Variants in SMYD3 observed in about 807,000 individuals in gnomAD.
SMYD3 encodes histone-lysine N-methyltransferase SMYD3.
In SMYD3, 36 loss-of-function variants were observed where a neutral mutation model predicts 57.7. That is an observed-to-expected ratio of 0.62 (90% confidence interval 0.48 to 0.82). SMYD3 has a LOEUF of 0.82. SMYD3 is among the 40% of genes least tolerant of loss of function. The probability of loss-of-function intolerance (pLI) is 0.00; values close to 1 mark genes in which losing one functional copy is unlikely to be tolerated. For synonymous variants in SMYD3, 211 were observed against 195.0 expected, an observed-to-expected ratio of 1.08 and a Z score of -0.68; for missense variants, 515 against 538.8, an observed-to-expected ratio of 0.96 and a Z score of 0.44.
chr1:246,256,304 G>C (rs935021378), intron 5 of SMYD3, among the ~76,000 whole-genome samples: 2 of 110,302 alleles, frequency 1.8e-5, no homozygotes, highest in African/African-American at 2.7e-5. Flanking sequence ...GCCTTCCCCA[G>C]CCCACTGACT....
chr1:245,877,632 A>T (rs1371922663), intron 8 of SMYD3, among the ~76,000 whole-genome samples: 1 of 152,210 alleles, frequency 6.6e-6, no homozygotes, highest in Non-Finnish European at 1.5e-5. Flanking sequence ...ACAAGATGAT[A>T]ACCTGGGAGT....
intron 1 of SMYD3, among the ~76,000 whole-genome samples, chr1:246,376,558 T>C (rs1156356208): frequency 7.6e-6 from 1 of 130,792 alleles, no homozygotes; most frequent in African/African-American, 3.0e-5. Flanking sequence ...GCCACTGCAC[T>C]CCAGCCTGGG....
At chr1:246,216,004 T>A (rs963675070) in intron 5 of SMYD3, among the ~76,000 whole-genome samples, 1 of 151,932 alleles carries the variant, frequency 6.6e-6, no homozygotes, top group Non-Finnish European at 1.5e-5. Context: ...AAAAACAAAC[T>A]CAAGGCCGGG....
intron 5 of SMYD3, among the ~76,000 whole-genome samples, chr1:246,043,469 A>C (rs1218258400): frequency 6.6e-6 from 1 of 152,174 alleles, no homozygotes; most frequent in Admixed American, 6.5e-5. Context: ...CAACCAAAAC[A>C]AGGTGACTAT....
rs2062946938 is a variant in SMYD3 at position 246,203,174 on chromosome 1, C to T, written c.531+124027G>A. 6.6e-6 allele frequency among the ~76,000 whole-genome samples: 1 copy of T among 152,134 alleles called. No homozygotes were observed. Among genetic ancestry groups the T allele is most frequent in the African/African-American group, 2.4e-5 (1 of 41,430 alleles). ...AGGCTGGAGACTTAAGAACTTTCTCCAGTTTCCTTCCCTGGTCCACAGCAA... is the reference window on the plus strand; with the variant it reads ...AGGCTGGAGACTTAAGAACTTTCTCTAGTTTCCTTCCCTGGTCCACAGCAA... On this transcript the variant is annotated intron_variant, in intron 5 of 11. Transcript: ENST00000490107. The surrounding 1 kb of genome is among the most constrained non-coding windows in gnomAD (Gnocchi z 4.6).
chr1:246,284,632 G>A (rs940534485), intron 5 of SMYD3, among the ~76,000 whole-genome samples: 4 of 151,906 alleles, frequency 2.6e-5, no homozygotes, highest in African/African-American at 9.7e-5. Context: ...TAGCCAAGAT[G>A]GTCTCGATCT....
intron 8 of SMYD3, among the ~76,000 whole-genome samples, chr1:245,876,706 T>G (rs990300288): frequency 6.6e-6 from 1 of 152,202 alleles, no homozygotes; most frequent in African/African-American, 2.4e-5. Flanking sequence ...CCCAGTGCAC[T>G]CCAGGGCCAG....
chr1:245,828,484 T>C (rs2049630200), intron 10 of SMYD3, among the ~76,000 whole-genome samples: 1 of 150,592 alleles, frequency 6.6e-6, no homozygotes, highest in African/African-American at 2.5e-5. Flanking sequence ...GAACACATTA[T>C]TTTTTTTTGA....
chr1:246,419,953 C>T (rs879628944), intron 1 of SMYD3, among the ~76,000 whole-genome samples: 2 of 152,224 alleles, frequency 1.3e-5, no homozygotes, highest in Non-Finnish European at 2.9e-5. Context: ...CCCAGAATTT[C>T]GGGAGGCCGA....
At chr1:245,809,939 A>G (rs2048369295) in intron 10 of SMYD3, among the ~76,000 whole-genome samples, 2 of 152,200 alleles carry the variant, frequency 1.3e-5, no homozygotes, top group Admixed American at 1.3e-4. Flanking sequence ...GTCCCAAGAT[A>G]AAGAGACCCT....
chr1:246,487,358 G>A (rs1479554865), intron 1 of SMYD3, among the ~76,000 whole-genome samples: 1 of 152,048 alleles, frequency 6.6e-6, no homozygotes, highest in Non-Finnish European at 1.5e-5. Flanking sequence ...TACTCAGGAG[G>A]CTAAGGCAAG....
intron 5 of SMYD3, among the ~76,000 whole-genome samples, chr1:245,966,537 A>G (rs1160532461): frequency 3.9e-5 from 6 of 152,220 alleles, no homozygotes; most frequent in Admixed American, 1.3e-4. Flanking sequence ...CAAAGGCAAA[A>G]AGAAAAATAA....
intron 1 of SMYD3, among the ~76,000 whole-genome samples, chr1:246,413,281 A>G (rs986346558): frequency 6.6e-5 from 10 of 152,176 alleles, no homozygotes; most frequent in African/African-American, 2.4e-4. Flanking sequence ...CACAGTAAAT[A>G]GTCCAGCTTA....
At position 245,927,876 on chromosome 1, in the gene SMYD3, T is replaced by C. The variant is rs530459126; in HGVS notation, c.702+55A>G. On this transcript the variant is annotated intron_variant, in intron 7 of 11. Coordinates refer to ENST00000490107, the MANE Select transcript of SMYD3 (RefSeq NM_001167740.2). ...AATCAGTTTTAGGGACGGGCCGAGCTGAGAGGGTCTTTGATAGGAAAGAAG... is the reference window on the plus strand; with the variant it reads ...AATCAGTTTTAGGGACGGGCCGAGCCGAGAGGGTCTTTGATAGGAAAGAAG... 920 of 1,431,344 alleles carry C rather than the reference T, an allele frequency of 6.4e-4. 1 individual carries two copies. The highest frequency in any genetic ancestry group is 7.9e-4 in the Non-Finnish European group (811 of 1,028,692). The allele number at this position is 1,431,344 out of a possible 1,614,324, so 88.7% of individuals were successfully genotyped here.
At chr1:246,237,512 T>C (rs904838632) in intron 5 of SMYD3, among the ~76,000 whole-genome samples, 1 of 152,082 alleles carries the variant, frequency 6.6e-6, no homozygotes, top group African/African-American at 2.4e-5. Flanking sequence ...TCAGACTGGA[T>C]TTTAGTCCTA....
At chr1:246,116,213 C>T (rs1475883028) in intron 5 of SMYD3, among the ~76,000 whole-genome samples, 1 of 99,846 alleles carries the variant, frequency 1.0e-5, no homozygotes, top group Non-Finnish European at 1.9e-5. Context: ...CACACACACA[C>T]ACACACACAC....
intron 5 of SMYD3, among the ~76,000 whole-genome samples, chr1:245,968,993 A>G (rs2058226333): frequency 6.6e-6 from 1 of 152,122 alleles, no homozygotes; most frequent in South Asian, 2.1e-4. Context: ...AGAGATTACC[A>G]CTGTGTCCTG....
chr1:246,383,675 G>T (rs2066425512), intron 1 of SMYD3, among the ~76,000 whole-genome samples: 1 of 152,152 alleles, frequency 6.6e-6, no homozygotes, highest in Non-Finnish European at 1.5e-5. Flanking sequence ...AAAATATCAA[G>T]ATGGGGTCAG....
intron 11 of SMYD3, among the ~76,000 whole-genome samples, chr1:245,757,832 C>T (rs1362751798): frequency 2.0e-5 from 3 of 152,050 alleles, no homozygotes; most frequent in African/African-American, 4.8e-5. Flanking sequence ...GTAGCTTTCT[C>T]GTAAATTTTA....
Sources: allele counts gnomAD v4.1 joint callset (sites outside exome capture counted in the v4.1 genomes callset), GRCh38; gene constraint gnomAD v4.1.1; non-coding constraint Gnocchi (gnomAD v3.1); transcripts MANE v1.5; gene names NCBI Gene and HGNC (gene_info 2026-07-23, HGNC 2026-07-21).